The following DYM variants were observed in gnomAD, a reference collection of about 807,000 sequenced individuals.
DYM encodes dymeclin, also known as dyggve-Melchior-Clausen syndrome protein.
In DYM, 78 loss-of-function variants were observed where a neutral mutation model predicts 93.1. That is an observed-to-expected ratio of 0.84 (90% CI 0.70 to 1.01). The LOEUF (loss-of-function observed/expected upper bound fraction) is 1.01, where lower values mean the gene tolerates loss of function less well. DYM is among the 50% of genes least tolerant of loss of function. The pLI, the probability that DYM is intolerant of heterozygous loss-of-function variation, is 0.00. For synonymous variants in DYM, 321 were observed against 319.7 expected (o/e 1.00, Z -0.04); for missense variants, 789 against 845.0 (o/e 0.93, Z 0.82).
intron 3 of DYM, among the ~76,000 whole-genome samples, chr18:49,387,632 C>A (rs983957181): frequency 6.6e-6 from 1 of 152,134 alleles, no homozygotes; most frequent in African/African-American, 2.4e-5. Flanking sequence ...ATTAAAGTCT[C>A]AGATGATGTG....
At chr18:49,358,892 C>G (rs1199639928) in intron 6 of DYM, among the ~76,000 whole-genome samples, 1 of 152,126 alleles carries the variant, frequency 6.6e-6, no homozygotes, top group Non-Finnish European at 1.5e-5. Flanking sequence ...TTTGCGTCCT[C>G]AAAATAACTT....
chr18:49,333,034 T>C (rs928779217), intron 7 of DYM, among the ~76,000 whole-genome samples: 2 of 152,194 alleles, frequency 1.3e-5, no homozygotes, highest in African/African-American at 4.8e-5. Context: ...ACAGGAATAA[T>C]CAGGGTAGCA....
At chr18:49,126,941 A>G (rs2082886491) in intron 15 of DYM, among the ~76,000 whole-genome samples, 1 of 152,220 alleles carries the variant, frequency 6.6e-6, no homozygotes, top group South Asian at 2.1e-4. Context: ...AAAGTAGTCA[A>G]TGTATAGAAA....
intron 10 of DYM, among the ~76,000 whole-genome samples, chr18:49,274,162 C>T (rs1442439422): frequency 6.6e-6 from 1 of 151,992 alleles, no homozygotes; most frequent in South Asian, 2.1e-4. Flanking sequence ...TCACCTCCCC[C>T]AGACCCCTAT....
intron 14 of DYM, among the ~76,000 whole-genome samples, chr18:49,177,938 TA>T (rs143134828): frequency 0.011 from 1,644 of 152,248 alleles, 32 homozygotes; most frequent in African/African-American, 0.034. Context: ...AACTACTTTT[TA>T]GAAAAACCAC....
intron 14 of DYM, among the ~76,000 whole-genome samples, chr18:49,185,504 C>T (rs1303280740): frequency 6.6e-6 from 1 of 152,010 alleles, no homozygotes; most frequent in Non-Finnish European, 1.5e-5. Flanking sequence ...AACAGTTTTT[C>T]GAATTTATTT....
chr18:49,378,155 C>T (rs2067691471), intron 5 of DYM, among the ~76,000 whole-genome samples: 1 of 152,212 alleles, frequency 6.6e-6, no homozygotes, highest in Admixed American at 6.5e-5. Flanking sequence ...TTGCTGCACG[C>T]TATGAAAGTA....
chr18:49,051,190 A>G (rs995378452), intron 17 of DYM, among the ~76,000 whole-genome samples: 1 of 152,150 alleles, frequency 6.6e-6, no homozygotes, highest in East Asian at 1.9e-4. Context: ...TCAAGTAATA[A>G]TAATGAGCTT....
intron 14 of DYM, among the ~76,000 whole-genome samples, chr18:49,202,559 C>T (rs1418452384): frequency 1.5e-5 from 2 of 131,358 alleles, no homozygotes; most frequent in African/African-American, 2.9e-5. Flanking sequence ...AGCGCCTCTT[C>T]CCAGCCGCCA....
In DYM at chr18:49,211,306, A is replaced by T. The variant is rs542844743; in HGVS notation, c.1461-1591T>A. Among the ~76,000 whole-genome samples, 3 of 152,336 alleles carry T rather than the reference A, an allele frequency of 2.0e-5. No homozygotes were observed. In the East Asian group the frequency reaches 5.8e-4, roughly 29 times the overall value. Reference sequence around the variant, plus strand: ...AGGACCAATAAGAATTATTACTATTATTGTCAGAGTAATTTCACTGACGCC... The same window carrying T: ...AGGACCAATAAGAATTATTACTATTTTTGTCAGAGTAATTTCACTGACGCC... On this transcript the variant is annotated intron_variant, in intron 13 of 17. Transcript: ENST00000675505.
intron 3 of DYM, among the ~76,000 whole-genome samples, chr18:49,380,140 C>G (rs998772743): frequency 3.3e-5 from 5 of 151,970 alleles, no homozygotes; most frequent in African/African-American, 1.2e-4. Flanking sequence ...ATATAATAAA[C>G]TATAAAAGTT....
intron 17 of DYM, among the ~76,000 whole-genome samples, chr18:49,073,489 G>A (rs143429599): frequency 3.5e-4 from 54 of 152,158 alleles, no homozygotes; most frequent in Admixed American, 9.2e-4. Context: ...GAAGGCAAGA[G>A]AAGTTTGGAA....
intron 8 of DYM, among the ~76,000 whole-genome samples, chr18:49,322,174 T>C (rs1347431406): frequency 1.3e-5 from 2 of 152,116 alleles, no homozygotes; most frequent in African/African-American, 4.8e-5. Context: ...TTTGGCCTTA[T>C]AATTTGGCTT....
intron 11 of DYM, among the ~76,000 whole-genome samples, chr18:49,263,659 G>A (rs1047571790): frequency 6.6e-6 from 1 of 151,868 alleles, no homozygotes; most frequent in African/African-American, 2.4e-5. Context: ...AACCTGGGAG[G>A]TGGAGGTTGC....
At chr18:49,122,190 C>T (rs1260261029) in intron 15 of DYM, among the ~76,000 whole-genome samples, 1 of 152,074 alleles carries the variant, frequency 6.6e-6, no homozygotes, top group Non-Finnish European at 1.5e-5. Context: ...GGTACTTTTA[C>T]GTCTCTGGGA....
At chr18:49,324,117 A>G (rs1462435037) in intron 8 of DYM, among the ~76,000 whole-genome samples, 3 of 129,428 alleles carry the variant, frequency 2.3e-5, no homozygotes, top group Non-Finnish European at 3.2e-5. Context: ...CCTGAGTGAC[A>G]GAGCCAGATA....
At chr18:49,321,205 T>C (rs1194424507) in intron 8 of DYM, 5 of 393,734 alleles carry the variant, frequency 1.3e-5, no homozygotes, top group African/African-American at 6.2e-5. Context: ...GTCTCAAAAA[T>C]AGATTAAATC....
At chr18:49,077,980 C>T (rs1288794) in intron 17 of DYM, among the ~76,000 whole-genome samples, 151,547 of 152,346 alleles carry the variant, frequency 0.99, 75,386 homozygotes, top group Middle Eastern at 1. Context: ...CTGCCAATAT[C>T]ATATTTTGCT....
intron 13 of DYM, among the ~76,000 whole-genome samples, chr18:49,251,597 A>C (rs1405078702): frequency 6.6e-6 from 1 of 152,178 alleles, no homozygotes; most frequent in Non-Finnish European, 1.5e-5. Context: ...CAGCCAGCTA[A>C]TGCTTACTCA....
Sources: allele counts gnomAD v4.1 joint callset (sites outside exome capture counted in the v4.1 genomes callset), GRCh38; gene constraint gnomAD v4.1.1; transcripts MANE v1.5; gene names NCBI Gene and HGNC (gene_info 2026-07-23, HGNC 2026-07-21).